The following ARFGAP3 variants were observed in gnomAD, a reference collection of about 807,000 sequenced individuals.
ARFGAP3 encodes the protein ARF GTPase activating protein 3.
ARFGAP3 carries 72 observed loss-of-function variants against 75.0 expected under a neutral mutation model. The ratio of observed to expected loss-of-function variants is 0.96; its 90% confidence interval spans 0.79 to 1.17. The LOEUF (loss-of-function observed/expected upper bound fraction) is 1.17. Ranked by LOEUF, ARFGAP3 falls within the 50% of genes most tolerant of loss-of-function variation. The probability of loss-of-function intolerance (pLI) is 0.00; values close to 1 mark genes in which losing one functional copy is unlikely to be tolerated. For missense variants in ARFGAP3, 620 were observed against 626.6 expected, an observed-to-expected ratio of 0.99 and a Z score of 0.11; for synonymous variants, 221 against 217.9, an observed-to-expected ratio of 1.01 and a Z score of -0.13.
At chr22:42,840,242 T>A (rs1375101734) in intron 3 of ARFGAP3, among the ~76,000 whole-genome samples, 4 of 151,944 alleles carry the variant, frequency 2.6e-5, no homozygotes, top group Admixed American at 2.6e-4. Context: ...GGGGATCTTG[T>A]TTGTCTTGTC....
chr22:42,842,725 T>A (rs959835760), intron 2 of ARFGAP3, among the ~76,000 whole-genome samples: 1 of 152,050 alleles, frequency 6.6e-6, no homozygotes, highest in Non-Finnish European at 1.5e-5. Flanking sequence ...CATACCATTA[T>A]TAATCTAGAG....
chr22:42,838,275 C>CACACAT (rs147134739), intron 3 of ARFGAP3, among the ~76,000 whole-genome samples: 3 of 137,870 alleles, frequency 2.2e-5, no homozygotes, highest in African/African-American at 8.3e-5. Context: ...TACACACACA[C>CACACAT]ATATATATAT....
chr22:42,827,861 A>G (rs1337405584), intron 6 of ARFGAP3, among the ~76,000 whole-genome samples: 2 of 151,506 alleles, frequency 1.3e-5, no homozygotes, highest in African/African-American at 4.9e-5. Flanking sequence ...AGTTGGGCAC[A>G]CTGCGTGAGC....
At chr22:42,822,532 G>T in intron 8 of ARFGAP3, 123 bp from the exon 9 acceptor site, 1 of 1,214,928 alleles carries the variant, frequency 8.2e-7, no homozygotes, top group Non-Finnish European at 1.1e-6. Context: ...TTTGTTCTGT[G>T]GCTTAGTCCT....
chr22:42,817,681 T>C (rs367677706), intron 10 of ARFGAP3, 48 bp downstream of exon 10: 6 of 1,458,490 alleles, frequency 4.1e-6, no homozygotes, highest in East Asian at 2.3e-5. Context: ...CCACTGATGA[T>C]TGACACACTG....
chr22:42,848,084 G>A (rs935480756), intron 1 of ARFGAP3, among the ~76,000 whole-genome samples: 1 of 151,790 alleles, frequency 6.6e-6, no homozygotes, highest in Non-Finnish European at 1.5e-5. Flanking sequence ...GGCTGGTCTC[G>A]AATTCCTGAC....
In ARFGAP3 at chr22:42,799,766, T is replaced by C. The variant is rs1487785809; in HGVS notation, c.1412-606A>G. Among the ~76,000 whole-genome samples the C allele has an allele frequency of 3.3e-5, 5 of 152,186 alleles. No homozygotes were observed. The South Asian group carries it at 8.3e-4, about 25-fold the overall frequency. On this transcript the variant is annotated intron_variant, in intron 14 of 15. Coordinates refer to ENST00000263245, the MANE Select transcript of ARFGAP3 (RefSeq NM_014570.5). ...AGCCATCTGTGACTACGACTGCCCCTCCCACTCGCTTGGGGTATGGAGGAA... is the reference window on the plus strand; with the variant it reads ...AGCCATCTGTGACTACGACTGCCCCCCCCACTCGCTTGGGGTATGGAGGAA...
chr22:42,804,733 C>A (rs1925043404), intron 14 of ARFGAP3, among the ~76,000 whole-genome samples: 1 of 152,100 alleles, frequency 6.6e-6, no homozygotes, highest in Non-Finnish European at 1.5e-5. Flanking sequence ...CCAGGCTGCT[C>A]TTGAACTCTC....
intron 7 of ARFGAP3, among the ~76,000 whole-genome samples, chr22:42,824,837 CCT>C (rs1925970423): frequency 3.9e-5 from 6 of 152,030 alleles, no homozygotes; most frequent in Admixed American, 3.9e-4. Flanking sequence ...CTCTTGTTCC[CCT>C]CTCTCCCTCC....
intron 1 of ARFGAP3, among the ~76,000 whole-genome samples, chr22:42,850,125 C>A (rs1054557548): frequency 1.3e-5 from 2 of 152,134 alleles, no homozygotes; most frequent in East Asian, 3.8e-4. Flanking sequence ...ACAGTGCTAA[C>A]TAGCAGAGTC....
At chr22:42,835,216 A>C (rs770148057) in intron 4 of ARFGAP3, 146 bp downstream of exon 4, 240 of 876,750 alleles carry the variant, frequency 2.7e-4, no homozygotes, top group Non-Finnish European at 3.7e-4. Context: ...TACAGAACAT[A>C]ACTACTTCAA....
At chr22:42,842,938 T>C (rs1926849040) in intron 2 of ARFGAP3, among the ~76,000 whole-genome samples, 1 of 152,112 alleles carries the variant, frequency 6.6e-6, no homozygotes, top group Admixed American at 6.6e-5. Context: ...CCAGGCTGTA[T>C]GGGGCTCTCT....
At chr22:42,800,616 A>G (rs965721372) in intron 14 of ARFGAP3, among the ~76,000 whole-genome samples, 4 of 152,222 alleles carry the variant, frequency 2.6e-5, no homozygotes, top group African/African-American at 7.2e-5. Flanking sequence ...GTCCCTTGGA[A>G]GAGACACTGC....
At chr22:42,802,585 G>A (rs1405440753) in intron 14 of ARFGAP3, among the ~76,000 whole-genome samples, 62 of 127,554 alleles carry the variant, frequency 4.9e-4, no homozygotes, top group Middle Eastern at 6.1e-3. Context: ...GAGCCACCGC[G>A]CCTGGCCCAA....
chr22:42,854,886 T>G (rs938277730), intron 1 of ARFGAP3, among the ~76,000 whole-genome samples: 3 of 152,236 alleles, frequency 2.0e-5, no homozygotes, highest in Non-Finnish European at 4.4e-5. Context: ...CCAAGAAATA[T>G]AGCACATTAC....
At chr22:42,845,296 G>C (rs928793857) in intron 2 of ARFGAP3, among the ~76,000 whole-genome samples, 1 of 149,188 alleles carries the variant, frequency 6.7e-6, no homozygotes, top group Non-Finnish European at 1.5e-5. Context: ...AGGCCGAGGC[G>C]GGCAGATCAC....
At chr22:42,798,886 G>A (rs374021176) in intron 15 of ARFGAP3, among the ~76,000 whole-genome samples, 153 bp downstream of exon 15, 1 of 152,166 alleles carries the variant, frequency 6.6e-6, no homozygotes, top group Non-Finnish European at 1.5e-5. Context: ...TATAATTTCT[G>A]GTTTTCATAA....
chr22:42,840,580 C>A (rs1421150157), intron 3 of ARFGAP3, among the ~76,000 whole-genome samples: 1 of 151,906 alleles, frequency 6.6e-6, no homozygotes, highest in Non-Finnish European at 1.5e-5. Context: ...CCATACCCAG[C>A]TAATTTTTGT....
intron 2 of ARFGAP3, among the ~76,000 whole-genome samples, chr22:42,842,976 G>A (rs548477866): frequency 3.9e-5 from 6 of 152,018 alleles, no homozygotes; most frequent in African/African-American, 1.5e-4. Context: ...ACCCTGTACG[G>A]CAGGTCCTAG....
Sources: allele counts gnomAD v4.1 joint callset (sites outside exome capture counted in the v4.1 genomes callset), GRCh38; gene constraint gnomAD v4.1.1; transcripts MANE v1.5; gene names NCBI Gene and HGNC (gene_info 2026-07-23, HGNC 2026-07-21).